The following ACTN4 variants were observed in gnomAD, a reference collection of about 807,000 sequenced individuals.
ACTN4 encodes alpha-actinin-4.
A neutral mutation model predicts 114.2 loss-of-function variants in ACTN4; 18 were observed. The ratio of observed to expected loss-of-function variants is 0.16; its 90% CI spans 0.11 to 0.23. The LOEUF is 0.23. ACTN4 is among the 10% of genes least tolerant of loss of function. ACTN4 has a pLI of 1.00. For synonymous variants in ACTN4, 515 were observed against 506.3 expected (o/e 1.02, Z -0.23); for missense variants, 722 against 1,262.9 (o/e 0.57, Z 6.49).
chr19:38,729,731 G>A lies in ACTN4; in HGVS notation c.*299G>A, dbSNP rs981125478. 11 of 590,536 alleles carry A rather than the reference G, an allele frequency of 1.9e-5. No individual in the cohort carries two copies. Among genetic ancestry groups the A allele is most frequent in the Non-Finnish European group, 2.8e-5 (9 of 315,976 alleles). The allele number at this position is 590,536 out of a possible 1,614,324, so 36.6% of individuals were successfully genotyped here. ...GCCAGTGGATTCCCACAGCACAACCGGTCCCTTCCATGCCCTGGGATGCCT... is the reference window on the plus strand; with the variant it reads ...GCCAGTGGATTCCCACAGCACAACCAGTCCCTTCCATGCCCTGGGATGCCT... On this transcript the variant is annotated 3_prime_UTR_variant, in exon 21 of 21. Transcript: ENST00000252699.
At chr19:38,649,272 T>TG (rs66959926) in intron 1 of ACTN4, among the ~76,000 whole-genome samples, 849 of 59,650 alleles carry the variant, frequency 0.014, 12 homozygotes, top group African/African-American at 0.042. Context: ...TCAGTGTCTG[T>TG]GGGGGGGGGA....
At chr19:38,673,894 G>A (rs1486366369) in intron 1 of ACTN4, among the ~76,000 whole-genome samples, 1 of 143,240 alleles carries the variant, frequency 7.0e-6, no homozygotes, top group Non-Finnish European at 1.5e-5. Flanking sequence ...GCAATTCTCT[G>A]CCTCAGCCTC....
At position 38,647,688 on chromosome 19, in the gene ACTN4, G is replaced by A. The variant is rs772454019; in HGVS notation, c.-58G>A. On this transcript the variant is annotated 5_prime_UTR_variant, in exon 1 of 21. Coordinates refer to ENST00000252699, the MANE Select transcript of ACTN4 (RefSeq NM_004924.6). ...GGCGGTAGCGGCGGCGGCTCGGGCA[G>A]AGGGGCGGGAGCTGAGGCGGGAGCG... is the stretch of plus-strand genomic sequence containing the variant. 8 of 1,504,968 alleles carry A rather than the reference G, an allele frequency of 5.3e-6. No homozygotes were observed. The African/African-American group carries it at 8.7e-5, about 16-fold the overall frequency. 93.2% of individuals were successfully genotyped at this position (1,504,968 alleles called of 1,614,324 possible).
chr19:38,702,552 G>GCC (rs1443296464), intron 3 of ACTN4, among the ~76,000 whole-genome samples: 1 of 152,228 alleles, frequency 6.6e-6, no homozygotes. Flanking sequence ...TACTTGCTGA[G>GCC]CCGGGGAGCT....
At chr19:38,725,985 T>C in intron 17 of ACTN4, 82 bp downstream of exon 17, 6 of 1,532,142 alleles carry the variant, frequency 3.9e-6, no homozygotes, top group Non-Finnish European at 5.4e-6. Flanking sequence ...AGTGAGAAGA[T>C]AGCTGTCTGC....
chr19:38,700,948 C>T, intron 2 of ACTN4, 54 bp from the exon 3 acceptor site: 4 of 1,605,612 alleles, frequency 2.5e-6, no homozygotes, highest in Non-Finnish European at 3.4e-6. Context: ...CTCGCCCTCT[C>T]TCCCTTTCTC....
intron 1 of ACTN4, among the ~76,000 whole-genome samples, chr19:38,672,110 A>G (rs1200373746): frequency 3.3e-5 from 5 of 151,798 alleles, no homozygotes; most frequent in Non-Finnish European, 7.4e-5. Context: ...AGGATGAGAG[A>G]GTTTCTCGCT....
chr19:38,695,911 A>G (rs1011227504), intron 1 of ACTN4, among the ~76,000 whole-genome samples: 1 of 151,810 alleles, frequency 6.6e-6, no homozygotes, highest in Non-Finnish European at 1.5e-5. Context: ...ACTCGGCCCC[A>G]GGAGCCCAGC....
chr19:38,718,742 C>T (rs1383138126), intron 11 of ACTN4, among the ~76,000 whole-genome samples: 3 of 152,202 alleles, frequency 2.0e-5, no homozygotes, highest in African/African-American at 7.2e-5. Flanking sequence ...CGTGTCTTCC[C>T]CATCCAGGGC....
intron 1 of ACTN4, among the ~76,000 whole-genome samples, chr19:38,650,116 T>TA (rs1976515824): frequency 6.6e-6 from 1 of 152,106 alleles, no homozygotes; most frequent in Admixed American, 6.5e-5. Flanking sequence ...AGTGGTGGTT[T>TA]TGAGAATGTC....
intron 20 of ACTN4, 29 bp downstream of exon 20, chr19:38,729,183 G>T: frequency 6.2e-7 from 1 of 1,612,836 alleles, no homozygotes; most frequent in Non-Finnish European, 8.5e-7. Flanking sequence ...AGGTGCATGG[G>T]GGCTGGCGAG....
intron 19 of ACTN4, 173 bp downstream of exon 19, chr19:38,728,199 G>T: frequency 7.4e-7 from 1 of 1,344,278 alleles, no homozygotes. Flanking sequence ...TGGTCTCTTG[G>T]GGCCGCTGTC....
At chr19:38,652,351 A>G (rs1976589749) in intron 1 of ACTN4, among the ~76,000 whole-genome samples, 1 of 152,136 alleles carries the variant, frequency 6.6e-6, no homozygotes, top group African/African-American at 2.4e-5. Context: ...TCCAGAATGT[A>G]TTTTAGAACT....
At position 38,647,800 on chromosome 19, in the gene ACTN4, G is replaced by T. The variant is rs372129305; in HGVS notation, c.55G>T (p.Gly19Cys). The T allele has an allele frequency of 5.5e-5, 86 of 1,555,410 alleles. No homozygotes were observed. The highest frequency in any genetic ancestry group is 7.1e-5 in the Non-Finnish European group (82 of 1,152,342). Reference sequence around the variant, plus strand: ...GTACCAGTACGGCCCCAGCAGCGCGGGCAATGGCGCTGGCGGCGGGGGCAG... The same window carrying T: ...GTACCAGTACGGCCCCAGCAGCGCGTGCAATGGCGCTGGCGGCGGGGGCAG... ...QSYQYGPSSA[G>C]NGAGGGGSMG... The change falls in exon 1 of 21, where the codon GGC (glycine) becomes TGC (cysteine). Residue 19 changes from glycine to cysteine, a missense_variant. Gly to Cys is a radical substitution (Grantham distance 159). Transcript: ENST00000252699.
intron 1 of ACTN4, among the ~76,000 whole-genome samples, chr19:38,667,018 T>C (rs187236984): frequency 6.6e-6 from 1 of 152,162 alleles, no homozygotes; most frequent in Non-Finnish European, 1.5e-5. Context: ...CATGAGGTCA[T>C]CCGTAAATAT....
rs754733256 is a variant in ACTN4, at chr19:38,706,048, C to T, written c.489C>T (p.Thr163=). Residue 163 remains threonine (T), a synonymous_variant, in exon 5 of 21, where the codon ACC becomes ACT. Coordinates refer to ENST00000252699, the MANE Select transcript of ACTN4 (RefSeq NM_004924.6). ...FAIQDISVEE[T]SAKEGLLLWC... ...CTGTCTTTGTGTGTTTTGCAGAGAC[C>T]TCGGCCAAGGAAGGGCTCCTTCTCT... 1.2e-5 allele frequency: 19 copies of T among 1,613,932 alleles called. No individual in the cohort carries two copies. Among genetic ancestry groups the T allele is most frequent in the Non-Finnish European group, 1.5e-5 (18 of 1,179,954 alleles).
Position 38,730,943 on chromosome 19 carries a change from C to G in ACTN4, c.*1511C>G. The G allele has an allele frequency of 6.4e-7, 1 of 1,550,560 alleles. No homozygotes were observed. The highest frequency in any genetic ancestry group is 2.4e-5 in the East Asian group (1 of 40,934). ...CTCGCAGGACAGAGCCTGAGCCACC[C>G]TGTCCCTCCCACCTGGCTCACCTGT... On this transcript the variant is annotated 3_prime_UTR_variant, in exon 21 of 21. Transcript: ENST00000252699.
Position 38,727,864 on chromosome 19 carries a change from G to A in ACTN4, c.2338-82G>A, listed in dbSNP as rs1969294369. 3.0e-6 allele frequency: 4 copies of A among 1,323,302 alleles called. 1 individual carries two copies. Among genetic ancestry groups the A allele is most frequent in the South Asian group, 2.5e-5 (2 of 81,498 alleles). 82.0% of individuals were successfully genotyped at this position (1,323,302 alleles called of 1,614,324 possible). A position where few individuals can be genotyped will look rare whatever the true frequency, so the allele number is the denominator to read the frequency against. On this transcript the variant is annotated intron_variant, in intron 18 of 20. Transcript: ENST00000252699. The surrounding 1 kb of genome is among the most constrained non-coding windows in gnomAD (Gnocchi z 5.4). ...CCTCCCCTACGTGTCCCTTCCCCCTGCCCTCTGCATGTGACCCCGATCCCT... is the reference window on the plus strand; with the variant it reads ...CCTCCCCTACGTGTCCCTTCCCCCTACCCTCTGCATGTGACCCCGATCCCT...
At chr19:38,686,100 C>T (rs745696746) in intron 1 of ACTN4, among the ~76,000 whole-genome samples, 9 of 152,154 alleles carry the variant, frequency 5.9e-5, no homozygotes, top group African/African-American at 9.7e-5. Context: ...GGGGAATTCC[C>T]GGGGTCCCAC....
Sources: gnomAD v4.1 joint callset for allele counts (sites outside exome capture counted in the v4.1 genomes callset) on GRCh38, gnomAD v4.1.1 for gene constraint, Gnocchi (gnomAD v3.1) non-coding constraint, MANE v1.5 for transcripts, NCBI Gene and HGNC (gene_info 2026-07-23, HGNC 2026-07-21) for gene names.